Variants in NXN observed in about 807,000 individuals in gnomAD.
NXN encodes the protein nucleoredoxin.
In NXN, 16 loss-of-function variants were observed where a neutral mutation model predicts 48.6. The observed-to-expected ratio is 0.33, with a 90% CI of 0.22 to 0.50. NXN has a LOEUF of 0.50. NXN is among the 20% of genes least tolerant of loss of function. The probability of loss-of-function intolerance (pLI) is 0.98; values close to 1 mark genes in which losing one functional copy is unlikely to be tolerated. For missense variants in NXN, 492 were observed against 605.5 expected, an observed-to-expected ratio of 0.81 and a Z score of 1.97; for synonymous variants, 281 against 269.6, an observed-to-expected ratio of 1.04 and a Z score of -0.41.
In NXN at chr17:885,285, C is replaced by G. The variant is rs141296340; in HGVS notation, c.361-59207G>C. ...AGACCAGCCTGGCCAAGAGACCAGT[C>G]TGGCCAACATGGTGACACCTCGTCT... On this transcript the variant is annotated intron_variant, in intron 1 of 7. Coordinates refer to ENST00000336868, the MANE Select transcript of NXN (RefSeq NM_022463.5). 9.6e-3 allele frequency among the ~76,000 whole-genome samples: 1,457 copies of G among 152,196 alleles called. 19 individuals carry two copies. The highest frequency in any genetic ancestry group is 0.033 in the African/African-American group (1,385 of 41,540).
intron 1 of NXN, among the ~76,000 whole-genome samples, chr17:889,747 G>GAAAC (rs774616443): frequency 1.1e-3 from 87 of 79,732 alleles, no homozygotes; most frequent in African/African-American, 4.5e-3. Flanking sequence ...AAGAAAGAAA[G>GAAAC]AAAGAAAGAA....
Position 849,452 on chromosome 17 carries a change from G to C in NXN, c.361-23374C>G, listed in dbSNP as rs947013262. Among the ~76,000 whole-genome samples, 1 of 152,118 alleles carries C rather than the reference G, an allele frequency of 6.6e-6. No homozygotes were observed. Among genetic ancestry groups the C allele is most frequent in the African/African-American group, 2.4e-5 (1 of 41,432 alleles). ...GGAGGCTGAGGCAGAAGAATTGCTT[G>C]AACCTGGGAGGCGGAGGTTGCAGTG... On this transcript the variant is annotated intron_variant, in intron 1 of 7. Transcript: ENST00000336868. This position sits in a 1 kb window ranked among gnomAD's most constrained non-coding sequence, Gnocchi z 4.2.
At chr17:811,913 A>C (rs1912036310) in intron 5 of NXN, among the ~76,000 whole-genome samples, 1 of 134,166 alleles carries the variant, frequency 7.5e-6, no homozygotes, top group African/African-American at 2.8e-5. Flanking sequence ...GCGGTTACCC[A>C]GTTCTGCTTT....
chr17:910,187 G>A (rs189916433), intron 1 of NXN, among the ~76,000 whole-genome samples: 5 of 152,208 alleles, frequency 3.3e-5, no homozygotes, highest in South Asian at 4.1e-4. Flanking sequence ...CGAGGCAGGC[G>A]GATCACCTGA....
At chr17:924,497 G>A (rs968852821) in intron 1 of NXN, among the ~76,000 whole-genome samples, 11 of 152,166 alleles carry the variant, frequency 7.2e-5, no homozygotes, top group African/African-American at 1.7e-4. Flanking sequence ...TCGGCCTCCC[G>A]AAGTGCTAGG....
At chr17:962,096 T>C (rs144940051) in intron 1 of NXN, among the ~76,000 whole-genome samples, 319 of 152,274 alleles carry the variant, frequency 2.1e-3, no homozygotes, top group African/African-American at 7.4e-3. Context: ...ATCGCGCCAC[T>C]GCACTCCAGC....
chr17:894,898 G>C (rs970713957), intron 1 of NXN, among the ~76,000 whole-genome samples: 28 of 151,966 alleles, frequency 1.8e-4, no homozygotes, highest in Admixed American at 6.6e-4. Context: ...CTGAAACGTG[G>C]GCACACCCAG....
intron 1 of NXN, among the ~76,000 whole-genome samples, chr17:833,883 G>A (rs1913636549): frequency 6.6e-6 from 1 of 152,054 alleles, no homozygotes; most frequent in African/African-American, 2.4e-5. Context: ...TGAAGAGCGG[G>A]TGATTAAAAA....
At chr17:916,400 C>CCCTT (rs1194542001) in intron 1 of NXN, among the ~76,000 whole-genome samples, 2 of 152,252 alleles carry the variant, frequency 1.3e-5, no homozygotes, top group African/African-American at 4.8e-5. Context: ...AAAGTCAAAT[C>CCCTT]CCTTGTTTTA....
At position 917,665 on chromosome 17, in the gene NXN, G is replaced by A. The variant is rs929372631; in HGVS notation, c.360+61654C>T. On this transcript the variant is annotated intron_variant, in intron 1 of 7. Transcript: ENST00000336868. The surrounding 1 kb of genome is among the most constrained non-coding windows in gnomAD (Gnocchi z 4.5). ...ACGTCACCATCTCAACCCAATGTAG[G>A]CCACCCGCTGCAGGCGAGCTTCCCT... 6.6e-6 allele frequency among the ~76,000 whole-genome samples: 1 copy of A among 152,196 alleles called. No individual in the cohort carries two copies. The highest frequency in any genetic ancestry group is 1.5e-5 in the Non-Finnish European group (1 of 68,030).
At chr17:840,331 G>A (rs1345269837) in intron 1 of NXN, among the ~76,000 whole-genome samples, 1 of 151,644 alleles carries the variant, frequency 6.6e-6, no homozygotes, top group Non-Finnish European at 1.5e-5. Context: ...TCAGCCTGGT[G>A]TGCAGAGACT....
intron 5 of NXN, among the ~76,000 whole-genome samples, chr17:815,948 G>T (rs372762779): frequency 4.6e-5 from 7 of 152,276 alleles, no homozygotes; most frequent in East Asian, 1.9e-4. Flanking sequence ...GTCGGAGGAA[G>T]ACACACATCA....
intron 1 of NXN, among the ~76,000 whole-genome samples, chr17:970,483 C>T (rs2069361782): frequency 6.6e-6 from 1 of 152,082 alleles, no homozygotes; most frequent in African/African-American, 2.4e-5. Flanking sequence ...TGGAAAAAGG[C>T]AGCAAGAGAG....
Position 978,273 on chromosome 17 carries a change from G to A in NXN, c.360+1046C>T, listed in dbSNP as rs2069484964. 6.6e-6 allele frequency: 1 copy of A among 152,226 alleles called. No individual in the cohort carries two copies. Among genetic ancestry groups the A allele is most frequent in the South Asian group, 2.1e-4 (1 of 4,828 alleles). 9.4% of individuals were successfully genotyped at this position (152,226 alleles called of 1,614,324 possible). A position where few individuals can be genotyped will look rare whatever the true frequency, so the allele number is the denominator to read the frequency against. On this transcript the variant is annotated intron_variant, in intron 1 of 7. Coordinates refer to ENST00000336868, the MANE Select transcript of NXN (RefSeq NM_022463.5). The surrounding 1 kb of genome is among the most constrained non-coding windows in gnomAD (Gnocchi z 4.1). ...CATCATATACACTCACGAAGCAACA[G>A]CGCTCCAAAACTTTTTCTGACTCCA...
At chr17:943,306 C>T (rs983869477) in intron 1 of NXN, among the ~76,000 whole-genome samples, 2 of 152,068 alleles carry the variant, frequency 1.3e-5, no homozygotes, top group Admixed American at 1.3e-4. Flanking sequence ...TACCCAGGTT[C>T]GAGGACCTCC....
chr17:876,485 C>T (rs16956531), intron 1 of NXN, among the ~76,000 whole-genome samples: 2 of 152,036 alleles, frequency 1.3e-5, no homozygotes, highest in Non-Finnish European at 2.9e-5. Context: ...ACACGCTAGG[C>T]GTCCTTTGCT....
At chr17:869,827 T>C (rs1346600589) in intron 1 of NXN, among the ~76,000 whole-genome samples, 1 of 152,222 alleles carries the variant, frequency 6.6e-6, no homozygotes, top group Non-Finnish European at 1.5e-5. Flanking sequence ...TCCAAGCCTC[T>C]CTGGGAACCA....
intron 1 of NXN, among the ~76,000 whole-genome samples, chr17:840,381 C>G (rs1028315013): frequency 6.6e-6 from 1 of 152,072 alleles, no homozygotes; most frequent in African/African-American, 2.4e-5. Context: ...GCTCTGCCGC[C>G]CAGGCTGGGG....
At chr17:885,376 C>A (rs538490254) in intron 1 of NXN, among the ~76,000 whole-genome samples, 9 of 151,928 alleles carry the variant, frequency 5.9e-5, no homozygotes, top group Admixed American at 5.2e-4. Context: ...ACTTGGGAGG[C>A]TGAGGCAGGA....
Sources: allele counts gnomAD v4.1 joint callset (sites outside exome capture counted in the v4.1 genomes callset), GRCh38; gene constraint gnomAD v4.1.1; non-coding constraint Gnocchi (gnomAD v3.1); transcripts MANE v1.5; gene names NCBI Gene and HGNC (gene_info 2026-07-23, HGNC 2026-07-21).